The following LYRM4 variants were observed in gnomAD, a reference collection of about 807,000 sequenced individuals.
LYRM4 encodes LYR motif-containing protein 4.
Under a neutral mutation model 11.7 loss-of-function variants are expected in LYRM4, and 9 were observed. The observed-to-expected ratio is 0.77, with a 90% confidence interval of 0.46 to 1.34. The LOEUF (loss-of-function observed/expected upper bound fraction) is 1.34. Among genes scored for constraint, LYRM4 ranks in the 40% most tolerant of loss-of-function variants. The pLI is 0.00. For synonymous variants in LYRM4, 42 were observed against 40.4 expected, an observed-to-expected ratio of 1.04 and a Z score of -0.15; for missense variants, 133 against 112.5, an observed-to-expected ratio of 1.18 and a Z score of -0.82.
intron 1 of LYRM4, among the ~76,000 whole-genome samples, chr6:5,250,289 C>G (rs1301403598): frequency 6.6e-6 from 1 of 152,056 alleles, no homozygotes; most frequent in African/African-American, 2.4e-5. Context: ...AATTTAGAAA[C>G]TCTTGTAAAC....
chr6:5,075,920 C>T, the LYRM4 span, among the ~76,000 whole-genome samples: 1 of 151,672 alleles, frequency 6.6e-6, no homozygotes. Context: ...CAGAGGCACC[C>T]CCTGCTAACT....
chr6:5,041,256 T>TGTG, the LYRM4 span, among the ~76,000 whole-genome samples: 1 of 152,190 alleles, frequency 6.6e-6, no homozygotes, highest in South Asian at 2.1e-4. Context: ...GTGGTGTAAA[T>TGTG]GTGGTTTATA....
chr6:5,213,480 A>C (rs1762091160), intron 2 of LYRM4, among the ~76,000 whole-genome samples: 1 of 152,206 alleles, frequency 6.6e-6, no homozygotes. Flanking sequence ...TGGCAGCTGG[A>C]AAAGTGGCTG....
chr6:5,059,820 G>C, the LYRM4 span, among the ~76,000 whole-genome samples: 1 of 147,990 alleles, frequency 6.8e-6, no homozygotes, highest in African/African-American at 2.5e-5. Context: ...TTTTTTAAGA[G>C]ACAGGGGTCT....
At chr6:5,083,360 G>A in the LYRM4 span, among the ~76,000 whole-genome samples, 11 of 152,356 alleles carry the variant, frequency 7.2e-5, no homozygotes, top group South Asian at 2.3e-3. Context: ...GCTGCAGGAA[G>A]ACAGGCCGTG....
chr6:5,232,225 C>T (rs1561889009), intron 1 of LYRM4, among the ~76,000 whole-genome samples: 3 of 152,238 alleles, frequency 2.0e-5, no homozygotes, highest in Admixed American at 6.5e-5. Context: ...GGGATTATCA[C>T]ATCTCTCCCT....
At chr6:5,149,808 A>G (rs1055092770) in intron 2 of LYRM4, among the ~76,000 whole-genome samples, 1 of 152,234 alleles carries the variant, frequency 6.6e-6, no homozygotes, top group African/African-American at 2.4e-5. Context: ...GCCTGTCCAC[A>G]CATGGACACA....
At chr6:5,233,888 T>C (rs971927001) in intron 1 of LYRM4, among the ~76,000 whole-genome samples, 6 of 152,354 alleles carry the variant, frequency 3.9e-5, no homozygotes, top group African/African-American at 9.6e-5. Context: ...CTGTGCTGGG[T>C]CACGGTCATA....
intron 2 of LYRM4, among the ~76,000 whole-genome samples, chr6:5,169,694 G>A (rs1759305537): frequency 6.6e-6 from 1 of 151,976 alleles, no homozygotes; most frequent in African/African-American, 2.4e-5. Flanking sequence ...TCTTGTCTTG[G>A]GATACAATTC....
At chr6:5,148,663 CTCT>C (rs1561830714) in intron 2 of LYRM4, among the ~76,000 whole-genome samples, 3 of 6,290 alleles carry the variant, frequency 4.8e-4, no homozygotes, top group African/African-American at 1.9e-3. Flanking sequence ...ACACACACAC[CTCT>C]CTCTCTCTCT....
At chr6:5,137,719 T>C (rs1444248178) in intron 2 of LYRM4, among the ~76,000 whole-genome samples, 4 of 152,208 alleles carry the variant, frequency 2.6e-5, no homozygotes, top group Non-Finnish European at 4.4e-5. Flanking sequence ...ATCTGAATAA[T>C]TAAAACCACC....
At chr6:5,172,669 C>T (rs1354612222) in intron 2 of LYRM4, among the ~76,000 whole-genome samples, 3 of 152,174 alleles carry the variant, frequency 2.0e-5, no homozygotes, top group South Asian at 2.1e-4. Context: ...TTGTTTATCA[C>T]ACAGACAGAA....
At chr6:5,152,182 C>CA (rs1353304787) in intron 2 of LYRM4, among the ~76,000 whole-genome samples, 1 of 152,170 alleles carries the variant, frequency 6.6e-6, no homozygotes, top group Non-Finnish European at 1.5e-5. Context: ...TGAGGAGCAA[C>CA]ATGACGCTGA....
intron 1 of LYRM4, among the ~76,000 whole-genome samples, chr6:5,253,859 G>A (rs913630976): frequency 1.3e-5 from 2 of 149,708 alleles, no homozygotes; most frequent in African/African-American, 2.5e-5. Flanking sequence ...CCATCGTTTT[G>A]AAGTGTTGTC....
chr6:5,235,562 T>C (rs1581571503), intron 1 of LYRM4, among the ~76,000 whole-genome samples: 1 of 152,210 alleles, frequency 6.6e-6, no homozygotes, highest in African/African-American at 2.4e-5. Context: ...TTATAGCAAA[T>C]TGCTAATATT....
chr6:5,188,917 C>A (rs1034105739), intron 2 of LYRM4, among the ~76,000 whole-genome samples: 7 of 152,150 alleles, frequency 4.6e-5, no homozygotes, highest in African/African-American at 1.4e-4. Context: ...GTGCATGTCA[C>A]CATGCTAATT....
chr6:5,218,180 T>C (rs1340240392), intron 1 of LYRM4: 1 of 877,026 alleles, frequency 1.1e-6, no homozygotes, highest in African/African-American at 1.8e-5. Flanking sequence ...GAGCTAGGAT[T>C]ACAAGCACAC....
chr6:5,215,023 T>A lies in LYRM4; in HGVS notation c.207+1595A>T, dbSNP rs932909568. 8.1e-5 allele frequency among the ~76,000 whole-genome samples: 12 copies of A among 148,272 alleles called. 1 individual carries two copies. The highest frequency in any genetic ancestry group is 6.1e-4 in the Admixed American group (9 of 14,786). ...GAGGGGAACTCACTGGGATGTCAGA[T>A]GAGGGCCAGTTTAGTATTTTTTTTT... On this transcript the variant is annotated intron_variant, in intron 2 of 2. Coordinates refer to ENST00000330636, the MANE Select transcript of LYRM4 (RefSeq NM_020408.6).
At chr6:5,083,488 C>T in the LYRM4 span, among the ~76,000 whole-genome samples, 1 of 152,192 alleles carries the variant, frequency 6.6e-6, no homozygotes, top group Non-Finnish European at 1.5e-5. Flanking sequence ...GCCCCCTTTA[C>T]AGGACATCAC....
Sources: gnomAD v4.1 joint callset for allele counts (sites outside exome capture counted in the v4.1 genomes callset) on GRCh38, gnomAD v4.1.1 for gene constraint, MANE v1.5 for transcripts, NCBI Gene and HGNC (gene_info 2026-07-23, HGNC 2026-07-21) for gene names.